The following VAV3 variants were observed in gnomAD, a reference collection of about 807,000 sequenced individuals.
The protein encoded by VAV3 is vav guanine nucleotide exchange factor 3.
Under a neutral mutation model 131.2 loss-of-function variants are expected in VAV3, and 94 were observed. The observed-to-expected ratio is 0.72, with a 90% CI of 0.61 to 0.85. The LOEUF is 0.85. VAV3 is among the 40% of genes least tolerant of loss of function. The probability of loss-of-function intolerance (pLI) is 0.00; values close to 1 mark genes in which losing one functional copy is unlikely to be tolerated. For synonymous variants in VAV3, 349 were observed against 342.0 expected (o/e 1.02, Z -0.22); for missense variants, 939 against 1,002.7 (o/e 0.94, Z 0.86).
chr1:107,741,042 G>C (rs927753293), intron 15 of VAV3, among the ~76,000 whole-genome samples: 4 of 152,132 alleles, frequency 2.6e-5, no homozygotes, highest in Admixed American at 2.0e-4. Flanking sequence ...AGAGAGGAGG[G>C]GACAGGAAGG....
At chr1:107,856,439 G>A (rs1669472478) in intron 2 of VAV3, among the ~76,000 whole-genome samples, 1 of 151,952 alleles carries the variant, frequency 6.6e-6, no homozygotes, top group Admixed American at 6.6e-5. Flanking sequence ...TTTTTTATGA[G>A]TAGATAGCTG....
At chr1:107,703,507 T>A (rs911855409) in intron 17 of VAV3, among the ~76,000 whole-genome samples, 9 of 152,150 alleles carry the variant, frequency 5.9e-5, no homozygotes, top group African/African-American at 2.2e-4. Context: ...GATCTGTCAC[T>A]TTATAGCTGC....
intron 1 of VAV3, among the ~76,000 whole-genome samples, chr1:107,924,512 T>C (rs1305771031): frequency 6.6e-6 from 1 of 152,124 alleles, no homozygotes; most frequent in African/African-American, 2.4e-5. Context: ...TATTACCTCC[T>C]GGTTACCTCT....
At chr1:107,737,721 A>G (rs374566042) in intron 15 of VAV3, among the ~76,000 whole-genome samples, 358 of 152,298 alleles carry the variant, frequency 2.4e-3, no homozygotes, top group East Asian at 8.3e-3. Flanking sequence ...GCTGGACAGG[A>G]TGTGGAGAAA....
Position 107,603,163 on chromosome 1 carries a change from C to CTGTTTTTTA in VAV3, c.2016-1_2016insTAAAAAACA (p.Trp672delinsCysLysLysGln). 1 of 1,611,312 alleles carries CTGTTTTTTA rather than the reference C, an allele frequency of 6.2e-7. No individual in the cohort carries two copies. The highest frequency in any genetic ancestry group is 8.5e-7 in the Non-Finnish European group (1 of 1,178,410). ...GCAATCTTTCCATTGCTCCAGCATACCTGTAAAAAACAATGACACAGAAAA... is the reference window on the plus strand; with the variant it reads ...GCAATCTTTCCATTGCTCCAGCATACTGTTTTTTACTGTAAAAAACAATGACACAGAAAA... On this transcript the variant is annotated protein_altering_variant and splice_region_variant. Transcript: ENST00000370056.
At chr1:107,813,295 A>C (rs1667409642) in intron 2 of VAV3, among the ~76,000 whole-genome samples, 1 of 152,166 alleles carries the variant, frequency 6.6e-6, no homozygotes, top group Non-Finnish European at 1.5e-5. Context: ...TAGAATTTGG[A>C]TATCTGAAAG....
At position 107,803,972 on chromosome 1, in the gene VAV3, C is replaced by T. The variant is rs550284659; in HGVS notation, c.322-24480G>A. On this transcript the variant is annotated intron_variant, in intron 2 of 26. Coordinates refer to ENST00000370056, the MANE Select transcript of VAV3 (RefSeq NM_006113.5). ...TGTTATATTTTCCTGCTGAATTGAC[C>T]CCTTATATTATTAATATAGTCACCT... is the stretch of plus-strand genomic sequence containing the variant. Among the ~76,000 whole-genome samples the T allele has an allele frequency of 3.3e-5, 5 of 151,996 alleles. No individual in the cohort carries two copies. The South Asian group carries it at 1.0e-3, about 32-fold the overall frequency.
chr1:107,840,403 T>C (rs1367985987), intron 2 of VAV3, among the ~76,000 whole-genome samples: 2 of 152,184 alleles, frequency 1.3e-5, no homozygotes, highest in African/African-American at 4.8e-5. Context: ...AGTAAAGGAA[T>C]AGGTTATCAA....
At chr1:107,673,029 C>T (rs1657932003) in intron 19 of VAV3, among the ~76,000 whole-genome samples, 1 of 152,146 alleles carries the variant, frequency 6.6e-6, no homozygotes, top group Non-Finnish European at 1.5e-5. Context: ...TATTGTACCT[C>T]TATGACGCCA....
intron 2 of VAV3, among the ~76,000 whole-genome samples, chr1:107,831,060 C>T (rs1196228966): frequency 6.6e-6 from 1 of 151,864 alleles, no homozygotes; most frequent in Non-Finnish European, 1.5e-5. Context: ...TGCTTGGGAC[C>T]AGAAGTGTTT....
At chr1:107,927,778 A>G (rs1244580948) in intron 1 of VAV3, among the ~76,000 whole-genome samples, 1 of 152,160 alleles carries the variant, frequency 6.6e-6, no homozygotes, top group Non-Finnish European at 1.5e-5. Flanking sequence ...GAACACAGGT[A>G]GACTTCTAAG....
intron 19 of VAV3, among the ~76,000 whole-genome samples, chr1:107,670,813 A>C (rs1041613482): frequency 1.2e-4 from 18 of 152,204 alleles, no homozygotes; most frequent in Admixed American, 6.5e-5. Context: ...TTGAAAATAC[A>C]TCATATGCTC....
chr1:107,611,051 T>C (rs1652687597), intron 21 of VAV3, among the ~76,000 whole-genome samples: 1 of 152,208 alleles, frequency 6.6e-6, no homozygotes, highest in Admixed American at 6.6e-5. Context: ...GCATCCCTTA[T>C]CTGCAATCCT....
intron 17 of VAV3, among the ~76,000 whole-genome samples, chr1:107,696,098 A>G (rs1399767549): frequency 8.5e-5 from 13 of 152,228 alleles, no homozygotes; most frequent in Middle Eastern, 3.2e-3. Context: ...AGTACACAAC[A>G]AAGTTTAGAG....
chr1:107,964,851 A>T lies in VAV3; in HGVS notation c.19T>A (p.Cys7Ser). 3 of 1,608,076 alleles carry T rather than the reference A, an allele frequency of 1.9e-6. No individual in the cohort carries two copies. The highest frequency in any genetic ancestry group is 1.7e-6 in the Non-Finnish European group (2 of 1,177,306). The change falls in exon 1 of 27, where the codon TGC (cysteine) becomes AGC (serine). Residue 7 changes from cysteine to serine, a missense_variant. Coordinates refer to ENST00000370056, the MANE Select transcript of VAV3 (RefSeq NM_006113.5). ...TTGCAATGGATGAGCCACTGCGCGC[A>T]CTGCTTCCACGGCTCCATGCCCGAC... is the stretch of plus-strand genomic sequence containing the variant. MEPWKQ[C>S]AQWLIHCKVL...
rs763283776 is a variant in VAV3 at position 107,749,543 on chromosome 1, A to T, written c.1311T>A (p.Asp437Glu). The stretch of plus-strand genomic sequence containing the variant: ...CTATTATTTCCTTCATTTCATAGTT[A>T]TCACCTTTTCTCTTACATACGATCA... Reference protein sequence around the residue: ...LAVIVCKRKGDNYEMKEIIDL... With the variant: ...LAVIVCKRKGENYEMKEIIDL... Residue 437 changes from aspartate (D) to glutamate (E), a missense_variant, in exon 14 of 27, where the codon GAT becomes GAA. Coordinates refer to ENST00000370056, the MANE Select transcript of VAV3 (RefSeq NM_006113.5). 6.2e-7 allele frequency: 1 copy of T among 1,612,040 alleles called. No individual in the cohort carries two copies.
chr1:107,631,464 T>C (rs1654474679), intron 20 of VAV3, among the ~76,000 whole-genome samples: 1 of 131,964 alleles, frequency 7.6e-6, no homozygotes, highest in Admixed American at 7.5e-5. Flanking sequence ...GTATACTTTC[T>C]CTTTTTTAAT....
At chr1:107,671,781 A>AC (rs992955652) in intron 19 of VAV3, among the ~76,000 whole-genome samples, 10 of 151,978 alleles carry the variant, frequency 6.6e-5, no homozygotes, top group African/African-American at 4.8e-5. Context: ...TTTTACCAAA[A>AC]AAAACAAAAC....
At chr1:107,793,889 C>G (rs1666419336) in intron 2 of VAV3, among the ~76,000 whole-genome samples, 1 of 152,130 alleles carries the variant, frequency 6.6e-6, no homozygotes, top group African/African-American at 2.4e-5. Context: ...GTAAAGGAAG[C>G]AGATAGGACA....
Sources: allele counts gnomAD v4.1 joint callset (sites outside exome capture counted in the v4.1 genomes callset), GRCh38; gene constraint gnomAD v4.1.1; transcripts MANE v1.5; gene names NCBI Gene and HGNC (gene_info 2026-07-23, HGNC 2026-07-21).